USP40: variants seen among roughly 807,000 people sequenced by gnomAD.
USP40 encodes ubiquitin carboxyl-terminal hydrolase 40.
In USP40, 143 loss-of-function variants were observed where a neutral mutation model predicts 166.2. That is an observed-to-expected ratio of 0.86 (90% CI 0.75 to 0.99). The LOEUF (loss-of-function observed/expected upper bound fraction) is 0.99, where lower values mean the gene tolerates loss of function less well. Ranked by LOEUF, USP40 falls within the 50% of genes least tolerant of loss-of-function variation. USP40 has a pLI of 0.00. For synonymous variants in USP40, 498 were observed against 524.0 expected (o/e 0.95, Z 0.68); for missense variants, 1,444 against 1,479.7 (o/e 0.98, Z 0.40).
chr2:233,524,561 C>G lies in USP40; in HGVS notation c.1812G>C (p.Gly604=). Residue 604 remains glycine, a splice_region_variant and synonymous_variant, in exon 15 of 32, where the codon GGG becomes GGC. Coordinates refer to ENST00000678225, the MANE Select transcript of USP40 (RefSeq NM_001365479.2). The part of the protein sequence containing the change: ...AGLHIYQSLG[G]DELTLCETEI... ...CAGTTTCACACAGTGTCAGTTCATC[C>G]CCTAGAAAGAGATCACCAGTGAGAC... The G allele has an allele frequency of 6.3e-7, 1 of 1,593,436 alleles. No homozygotes were observed. Among genetic ancestry groups the G allele is most frequent in the Non-Finnish European group, 8.5e-7 (1 of 1,170,426 alleles).
intron 11 of USP40, among the ~76,000 whole-genome samples, chr2:233,532,725 T>C (rs1400703947): frequency 2.0e-5 from 3 of 152,184 alleles, no homozygotes; most frequent in African/African-American, 7.2e-5. Context: ...GAGCATCATC[T>C]GAGGCCAGGA....
intron 18 of USP40, among the ~76,000 whole-genome samples, chr2:233,517,171 A>C (rs2067257185): frequency 6.6e-6 from 1 of 152,148 alleles, no homozygotes; most frequent in Non-Finnish European, 1.5e-5. Flanking sequence ...ATTCAGTAGA[A>C]TGGCCATGTT....
chr2:233,511,630 C>T, intron 20 of USP40, 79 bp downstream of exon 20: 1 of 1,040,476 alleles, frequency 9.6e-7, no homozygotes, highest in South Asian at 1.7e-5. Flanking sequence ...AACAATATTA[C>T]TGGAGTAGCT....
At chr2:233,552,555 T>C (rs2070675659) in intron 6 of USP40, among the ~76,000 whole-genome samples, 1 of 152,196 alleles carries the variant, frequency 6.6e-6, no homozygotes, top group Admixed American at 6.5e-5. Flanking sequence ...GAACATGAAG[T>C]CTAACCAAAA....
intron 7 of USP40, among the ~76,000 whole-genome samples, chr2:233,550,786 T>C (rs892498457): frequency 6.6e-6 from 1 of 152,166 alleles, no homozygotes; most frequent in Non-Finnish European, 1.5e-5. Context: ...TTCAAAACCT[T>C]TTCTTTCCCT....
At chr2:233,547,359 A>G (rs2070056027) in intron 8 of USP40, among the ~76,000 whole-genome samples, 1 of 152,206 alleles carries the variant, frequency 6.6e-6, no homozygotes, top group Admixed American at 6.5e-5. Flanking sequence ...AACTTTACAG[A>G]ACATGTATCT....
In USP40 at chr2:233,565,504, C is replaced by G. The variant is rs2072065381; in HGVS notation, c.51G>C (p.Gln17His). 6.5e-7 allele frequency: 1 copy of G among 1,537,154 alleles called. No homozygotes were observed. Among genetic ancestry groups the G allele is most frequent in the African/African-American group, 1.4e-5 (1 of 73,028 alleles). The stretch of plus-strand genomic sequence containing the variant: ...TCTTTAATTTCTTCCCTTTTCCATA[C>G]TGATTATTAGACACAGTGGAATACT... ...EEEYSTVSNN[Q>H]YGKGKKLKTK... is the part of the protein sequence containing the mutation. Residue 17 changes from glutamine (Q) to histidine (H), a missense_variant, in exon 2 of 32, where the codon CAG (glutamine) becomes CAC (histidine). Transcript: ENST00000678225.
chr2:233,539,507 C>T (rs2069199419), intron 10 of USP40, among the ~76,000 whole-genome samples: 1 of 151,992 alleles, frequency 6.6e-6, no homozygotes, highest in Admixed American at 6.6e-5. Flanking sequence ...TTGACCAACA[C>T]ACCTCCAAAG....
chr2:233,483,756 T>G (rs1311189931), intron 30 of USP40, among the ~76,000 whole-genome samples: 1 of 152,192 alleles, frequency 6.6e-6, no homozygotes, highest in Non-Finnish European at 1.5e-5. Context: ...AATGCAAATA[T>G]TCCAAAACCC....
intron 10 of USP40, among the ~76,000 whole-genome samples, chr2:233,538,125 G>A (rs1461005007): frequency 6.6e-6 from 1 of 151,784 alleles, no homozygotes; most frequent in Non-Finnish European, 1.5e-5. Context: ...TAGTGTAATC[G>A]CTAGATGAAA....
intron 30 of USP40, among the ~76,000 whole-genome samples, chr2:233,483,683 G>A (rs533618841): frequency 3.6e-4 from 55 of 152,208 alleles, no homozygotes; most frequent in African/African-American, 1.2e-3. Context: ...CCAGAAATCC[G>A]AAACTCAATG....
Position 233,483,127 on chromosome 2 carries a change from C to T in USP40, c.3505-1830G>A, listed in dbSNP as rs534281001. 6.3e-4 allele frequency among the ~76,000 whole-genome samples: 96 copies of T among 152,286 alleles called. No homozygotes were observed. The Middle Eastern group carries it at 0.02, about 32-fold the overall frequency. ...CACTGTTTTTTATGATTTCCTTTGACGAACAAAAGTTCTCACTTCTAATGT... is the reference window on the plus strand; with the variant it reads ...CACTGTTTTTTATGATTTCCTTTGATGAACAAAAGTTCTCACTTCTAATGT... On this transcript the variant is annotated intron_variant, in intron 30 of 31. Transcript: ENST00000678225.
At chr2:233,506,794 C>T (rs1216356309) in intron 21 of USP40, among the ~76,000 whole-genome samples, 1 of 150,932 alleles carries the variant, frequency 6.6e-6, no homozygotes, top group Non-Finnish European at 1.5e-5. Context: ...ACCTGCGATC[C>T]CAGCTACTTC....
intron 7 of USP40, among the ~76,000 whole-genome samples, chr2:233,550,575 G>A (rs2070458574): frequency 6.6e-6 from 1 of 151,184 alleles, no homozygotes; most frequent in South Asian, 2.1e-4. Flanking sequence ...CCGAATTTAA[G>A]AATGTTTAGA....
rs535050015 is a variant in USP40, at chr2:233,479,704, G to T, written c.3599+1499C>A. Among the ~76,000 whole-genome samples the T allele has an allele frequency of 1.1e-3, 161 of 151,942 alleles. 1 individual carries two copies. Among genetic ancestry groups the T allele is most frequent in the African/African-American group, 3.6e-3 (151 of 41,424 alleles). ...AACCCCCGAAGCAGCCAGCGCTGCA[G>T]CCCCTCTCCCATATCCCAGGTCTCT... On this transcript the variant is annotated intron_variant, in intron 31 of 31. Coordinates refer to ENST00000678225, the MANE Select transcript of USP40 (RefSeq NM_001365479.2).
intron 8 of USP40, chr2:233,542,665 G>C: frequency 4.7e-6 from 1 of 214,020 alleles, no homozygotes; most frequent in Non-Finnish European, 9.1e-6. Context: ...ATGACACAGA[G>C]CAAGACGTTG....
Position 233,485,605 on chromosome 2 carries a change from TC to T in USP40, c.3429del (p.Lys1145ArgfsTer15), listed in dbSNP as rs774289250. 2 of 1,613,766 alleles carry T rather than the reference TC, an allele frequency of 1.2e-6. No individual in the cohort carries two copies. The highest frequency in any genetic ancestry group is 1.7e-6 in the Non-Finnish European group (2 of 1,179,762). ...AAATAATCTTGTTTTTTTTTCTTTT[TC>T]CTCTTGGTTATTTGTTGGTTCTATG... ...ISSWNQQITK[R>X]KKKKKQDYLQ... On this transcript the variant is annotated frameshift_variant, in exon 30 of 32. Transcript: ENST00000678225. LOFTEE classifies it high-confidence loss of function.
intron 9 of USP40, 111 bp downstream of exon 9, chr2:233,542,157 A>G (rs2069475905): frequency 2.1e-6 from 1 of 466,556 alleles, no homozygotes; most frequent in Admixed American, 4.2e-5. Context: ...ATGAATGGTA[A>G]TAATATCACA....
intron 1 of USP40, 39 bp downstream of exon 1, chr2:233,566,645 A>T (rs1299455386): frequency 1.0e-6 from 1 of 975,006 alleles, no homozygotes; most frequent in Non-Finnish European, 1.2e-6. Flanking sequence ...TACGCTTCCC[A>T]CGTCCCTCCC....
Sources: gnomAD v4.1 joint callset for allele counts (sites outside exome capture counted in the v4.1 genomes callset) on GRCh38, gnomAD v4.1.1 for gene constraint, MANE v1.5 for transcripts, NCBI Gene and HGNC (gene_info 2026-07-23, HGNC 2026-07-21) for gene names.